UACA: variants seen among roughly 807,000 people sequenced by gnomAD.
UACA encodes the protein uveal autoantigen with coiled-coil domains and ankyrin repeats, also known as nuclear membrane binding protein.
UACA carries 112 observed loss-of-function variants against 160.5 expected under a neutral mutation model. The observed-to-expected ratio is 0.70, with a 90% CI of 0.60 to 0.82. The LOEUF (loss-of-function observed/expected upper bound fraction) is 0.82. Ranked by LOEUF, UACA falls within the 40% of genes least tolerant of loss-of-function variation. The probability of loss-of-function intolerance (pLI) is 0.00; values close to 1 mark genes in which losing one functional copy is unlikely to be tolerated. For missense variants in UACA, 1,574 were observed against 1,614.6 expected (o/e 0.97, Z 0.43); for synonymous variants, 557 against 568.4 (o/e 0.98, Z 0.29).
chr15:70,763,646 A>G (rs1379608816), upstream of UACA: 1 of 643,682 alleles, frequency 1.6e-6, no homozygotes, highest in Non-Finnish European at 2.2e-6. Context: ...GGAATGCGGG[A>G]ATGGGGCGGG....
chr15:70,756,050 A>G (rs562908562), intron 1 of UACA, among the ~76,000 whole-genome samples: 1 of 152,192 alleles, frequency 6.6e-6, no homozygotes, highest in Non-Finnish European at 1.5e-5. Flanking sequence ...TTTTATATCT[A>G]GCTCTTAAAA....
intron 1 of UACA, chr15:70,754,197 G>C (rs1179128158): frequency 4.4e-6 from 2 of 455,410 alleles, no homozygotes; most frequent in African/African-American, 4.0e-5. Context: ...CTCTCTCAAG[G>C]ATACCTGGCC....
chr15:70,687,105 CAT>C (rs1317803106), intron 7 of UACA, among the ~76,000 whole-genome samples: 13 of 152,192 alleles, frequency 8.5e-5, no homozygotes, highest in Non-Finnish European at 1.5e-4. Context: ...TATACTGACA[CAT>C]GTCAAGTTCC....
At chr15:70,774,135 A>G in the UACA span, among the ~76,000 whole-genome samples, 1 of 152,210 alleles carries the variant, frequency 6.6e-6, no homozygotes, top group Non-Finnish European at 1.5e-5. Context: ...GCACTGTGCT[A>G]AGTTCTTTAC....
Position 70,657,099 on chromosome 15 carries a change from G to A in UACA, c.4208C>T (p.Ala1403Val). Residue 1403 changes from alanine to valine, a missense_variant, in exon 19 of 19, where the codon GCT (alanine) becomes GTT (valine). Ala to Val is a moderately conservative substitution (Grantham distance 64, BLOSUM62 0). Coordinates refer to ENST00000322954, the MANE Select transcript of UACA (RefSeq NM_018003.4). ...CCGCATTTGTATGATCTGGAGCAGA[G>A]CCTCCTGAACATCTTCATCCATGTG... is the stretch of plus-strand genomic sequence containing the variant. ...QGHMDEDVQE[A>V]LLQIIQMRQG... 1 of 1,614,136 alleles carries A rather than the reference G, an allele frequency of 6.2e-7. No homozygotes were observed. The highest frequency in any genetic ancestry group is 8.5e-7 in the Non-Finnish European group (1 of 1,179,982).
At chr15:70,717,239 G>A (rs141195859) in intron 1 of UACA, among the ~76,000 whole-genome samples, 27 of 152,210 alleles carry the variant, frequency 1.8e-4, no homozygotes, top group African/African-American at 6.5e-4. Flanking sequence ...AACAAACAAT[G>A]AAACACTGCT....
chr15:70,721,081 A>G (rs1184725064), intron 1 of UACA, among the ~76,000 whole-genome samples: 2 of 152,228 alleles, frequency 1.3e-5, no homozygotes, highest in Non-Finnish European at 2.9e-5. Flanking sequence ...TCTGCAGTGA[A>G]GTTGATTAAT....
At position 70,683,157 on chromosome 15, in the gene UACA, A is replaced by G. The variant is rs1409569611; in HGVS notation, c.785-362T>C. Reference sequence around the variant, plus strand: ...GATCACTTGAGGCTAGGAGTTCAAGACCAGCCTGGGCAACATAGCAAGACC... The same window carrying G: ...GATCACTTGAGGCTAGGAGTTCAAGGCCAGCCTGGGCAACATAGCAAGACC... On this transcript the variant is annotated intron_variant, in intron 8 of 18. Transcript: ENST00000322954. Among the ~76,000 whole-genome samples, 3 of 152,180 alleles carry G rather than the reference A, an allele frequency of 2.0e-5. No individual in the cohort carries two copies. In the East Asian group the frequency reaches 5.8e-4, roughly 29 times the overall value.
intron 1 of UACA, among the ~76,000 whole-genome samples, chr15:70,705,517 C>G (rs1226831595): frequency 5.3e-5 from 8 of 151,894 alleles, no homozygotes; most frequent in Non-Finnish European, 8.8e-5. Flanking sequence ...ACTTGGGCAA[C>G]AAGAGCGAAA....
At chr15:70,691,480 AG>A (rs1897933418) in intron 3 of UACA, 117 bp from the exon 4 acceptor site, 1 of 671,070 alleles carries the variant, frequency 1.5e-6, no homozygotes, top group African/African-American at 1.8e-5. Flanking sequence ...TTAATCTGTA[AG>A]TATACTTTCA....
chr15:70,691,365 TATAA>T lies in UACA; in HGVS notation c.302-6_302-3del. The T allele has an allele frequency of 6.2e-7, 1 of 1,601,946 alleles. No homozygotes were observed. Among genetic ancestry groups the T allele is most frequent in the Non-Finnish European group, 8.5e-7 (1 of 1,172,778 alleles). ...CAGCCAGGTGAAGAGCATTTCTCCC[TATAA>T]ATAATTTAAGATACATGTGAAGGAT... On this transcript the variant is annotated splice_polypyrimidine_tract_variant and splice_region_variant and intron_variant, in intron 3 of 18. Transcript: ENST00000322954.
Position 70,721,558 on chromosome 15 carries a change from C to G in UACA, c.79-21898G>C, listed in dbSNP as rs1167298237. Among the ~76,000 whole-genome samples, 11 of 151,014 alleles carry G rather than the reference C, an allele frequency of 7.3e-5. No homozygotes were observed. In the South Asian group the frequency reaches 1.9e-3, roughly 26 times the overall value. On this transcript the variant is annotated intron_variant, in intron 1 of 18. Transcript: ENST00000322954. ...AGGAGAATGGCGTGAACCCAGGAGG[C>G]AGAGCTTGCAGTGAGCCGAGATCAC...
At chr15:70,694,176 G>A (rs1444460320) in intron 3 of UACA, among the ~76,000 whole-genome samples, 2 of 151,884 alleles carry the variant, frequency 1.3e-5, no homozygotes, top group Non-Finnish European at 2.9e-5. Context: ...GAACTAAGCT[G>A]TCAACAGTCC....
chr15:70,759,256 TA>T (rs1348982420), intron 1 of UACA, among the ~76,000 whole-genome samples: 6 of 152,254 alleles, frequency 3.9e-5, no homozygotes, highest in African/African-American at 1.4e-4. Context: ...ATATTCTCAC[TA>T]TACATATAAC....
intron 18 of UACA, among the ~76,000 whole-genome samples, chr15:70,659,289 A>T (rs1232677028): frequency 2.0e-5 from 3 of 151,730 alleles, no homozygotes; most frequent in African/African-American, 7.3e-5. Flanking sequence ...ATTTGATATC[A>T]TAAAGTATCT....
intron 13 of UACA, among the ~76,000 whole-genome samples, chr15:70,673,761 C>T (rs1365822708): frequency 6.6e-6 from 1 of 152,166 alleles, no homozygotes; most frequent in Non-Finnish European, 1.5e-5. Flanking sequence ...TAACTCGTAA[C>T]AGTAATTCCT....
intron 1 of UACA, among the ~76,000 whole-genome samples, chr15:70,710,654 A>T (rs1898657403): frequency 6.6e-6 from 1 of 152,210 alleles, no homozygotes; most frequent in Non-Finnish European, 1.5e-5. Flanking sequence ...AATTTGCTAG[A>T]GCAGCTCACA....
chr15:70,681,952 T>G (rs1392009850), intron 9 of UACA: 1 of 152,198 alleles, frequency 6.6e-6, no homozygotes, highest in Non-Finnish European at 1.5e-5. Context: ...TGATCAGAAT[T>G]GCTCAAGGTA....
At position 70,664,799 on chromosome 15, in the gene UACA, T is replaced by G. The variant is rs763416581; in HGVS notation, c.3976A>C (p.Asn1326His). The G allele has an allele frequency of 1.2e-6, 2 of 1,612,312 alleles. No individual in the cohort carries two copies. The highest frequency in any genetic ancestry group is 3.4e-5 in the Admixed American group (2 of 59,624). The change falls in exon 17 of 19, where the codon AAT (asparagine) becomes CAT (histidine). Residue 1326 changes from asparagine to histidine, a missense_variant. Physicochemically the swap from Asn to His is moderately conservative, Grantham distance 68. Transcript: ENST00000322954. ...GCCTGTTTTAATCTTTCCACATCAT[T>G]AAGCAGTTCAGTTATCTTTAAAAAA... ...AKDNKITELL[N>H]DVERLKQALN...
Sources: gnomAD v4.1 joint callset for allele counts (sites outside exome capture counted in the v4.1 genomes callset) on GRCh38, gnomAD v4.1.1 for gene constraint, MANE v1.5 for transcripts, NCBI Gene and HGNC (gene_info 2026-07-23, HGNC 2026-07-21) for gene names.